Variants in ANO3 observed in about 807,000 individuals in gnomAD.
ANO3 encodes the protein anoctamin 3.
Under a neutral mutation model 144.8 loss-of-function variants are expected in ANO3, and 99 were observed. The observed-to-expected ratio is 0.68, with a 90% CI of 0.58 to 0.81. The LOEUF (loss-of-function observed/expected upper bound fraction) is 0.81, where lower values mean the gene tolerates loss of function less well. Among genes scored for constraint, ANO3 ranks in the 30% least tolerant of loss-of-function variants. The pLI, the probability that ANO3 is intolerant of heterozygous loss-of-function variation, is 0.00. For synonymous variants in ANO3, 414 were observed against 392.6 expected, an observed-to-expected ratio of 1.05 and a Z score of -0.64; for missense variants, 905 against 1,202.2, an observed-to-expected ratio of 0.75 and a Z score of 3.66.
At chr11:26,315,683 AT>A (rs1349419233) in intron 1 of ANO3, among the ~76,000 whole-genome samples, 1 of 137,300 alleles carries the variant, frequency 7.3e-6, no homozygotes, top group African/African-American at 2.9e-5. Flanking sequence ...CTATCTATCT[AT>A]CCATCTATCT....
rs575955584 is a variant in ANO3 at position 26,433,483 on chromosome 11, G to A, written c.47-8435G>A. Reference sequence around the variant, plus strand: ...CCTTGCCTTGTGCTTGTTTTCAAGGGGGAATACTTTCAGCTTTTGCCAATT... The same window carrying A: ...CCTTGCCTTGTGCTTGTTTTCAAGGAGGAATACTTTCAGCTTTTGCCAATT... On this transcript the variant is annotated intron_variant, in intron 1 of 26. Coordinates refer to ENST00000256737, the MANE Select transcript of ANO3 (RefSeq NM_031418.4). Among the ~76,000 whole-genome samples, 49 of 152,188 alleles carry A rather than the reference G, an allele frequency of 3.2e-4. No homozygotes were observed. The South Asian group carries it at 3.9e-3, about 12-fold the overall frequency.
chr11:26,426,401 G>A (rs554576026), intron 1 of ANO3, among the ~76,000 whole-genome samples: 3 of 151,962 alleles, frequency 2.0e-5, no homozygotes, highest in African/African-American at 4.8e-5. Flanking sequence ...GGGTAGTTTG[G>A]CATGTCTAGT....
At chr11:26,241,610 G>A (rs143206645) in intron 1 of ANO3, among the ~76,000 whole-genome samples, 1 of 152,184 alleles carries the variant, frequency 6.6e-6, no homozygotes, top group East Asian at 1.9e-4. Context: ...AATAACTTCA[G>A]TACAGAATAA....
In ANO3 at chr11:26,369,174, G is replaced by C. The variant is rs992025722; in HGVS notation, c.46+36853G>C. Among the ~76,000 whole-genome samples, 6 of 152,302 alleles carry C rather than the reference G, an allele frequency of 3.9e-5. No individual in the cohort carries two copies. In the East Asian group the frequency reaches 1.2e-3, roughly 29 times the overall value. ...TGTGTGCATGCATGCCTATGTGTGT[G>C]TTGGAAGTGTGGAGGTGAGTAGTGA... On this transcript the variant is annotated intron_variant, in intron 1 of 26. Coordinates refer to ENST00000256737, the MANE Select transcript of ANO3 (RefSeq NM_031418.4).
At chr11:26,506,939 T>A (rs564028680) in intron 4 of ANO3, among the ~76,000 whole-genome samples, 1 of 152,336 alleles carries the variant, frequency 6.6e-6, no homozygotes, top group African/African-American at 2.4e-5. Flanking sequence ...TGTCTGAAAT[T>A]ATCTAATATC....
chr11:26,353,761 C>T (rs1031762026), intron 1 of ANO3, among the ~76,000 whole-genome samples: 7 of 152,084 alleles, frequency 4.6e-5, no homozygotes, highest in South Asian at 2.1e-4. Flanking sequence ...GTAGAGACAG[C>T]GTTTCATCAT....
chr11:26,487,735 A>G (rs1458292734), intron 4 of ANO3, among the ~76,000 whole-genome samples: 1 of 152,214 alleles, frequency 6.6e-6, no homozygotes, highest in African/African-American at 2.4e-5. Context: ...TACGTCACCA[A>G]AGAGACTGGT....
At chr11:26,402,511 A>G (rs941350033) in intron 1 of ANO3, among the ~76,000 whole-genome samples, 2 of 151,854 alleles carry the variant, frequency 1.3e-5, no homozygotes, top group Non-Finnish European at 2.9e-5. Context: ...TAAGTTCCTT[A>G]TAGATACTGG....
At chr11:26,350,459 CTT>C (rs1329553579) in intron 1 of ANO3, among the ~76,000 whole-genome samples, 2 of 152,126 alleles carry the variant, frequency 1.3e-5, no homozygotes, top group Non-Finnish European at 2.9e-5. Flanking sequence ...AGTTGAAAAA[CTT>C]TGAAATTGTT....
At position 26,522,078 on chromosome 11, in the gene ANO3, G is replaced by GGAGGCT. The variant is rs1209932035; in HGVS notation, c.693-3551_693-3546dup. On this transcript the variant is annotated intron_variant, in intron 6 of 26. Coordinates refer to ENST00000256737, the MANE Select transcript of ANO3 (RefSeq NM_031418.4). ...GGGCGCCTGTAGTCCCAGCTACTCG[G>GGAGGCT]GAGGCTGAGGCAAGAGAATGGCGTG... Among the ~76,000 whole-genome samples the GGAGGCT allele has an allele frequency of 1.1e-4, 16 of 152,080 alleles. No individual in the cohort carries two copies. In the East Asian group the frequency reaches 3.1e-3, roughly 29 times the overall value.
Position 26,553,242 on chromosome 11 carries a change from T to TTAAAAAAC in ANO3, c.1290-7_1290-6insTAAAAAAC. 7.0e-7 allele frequency: 1 copy of TTAAAAAAC among 1,429,444 alleles called. No homozygotes were observed. The highest frequency in any genetic ancestry group is 9.8e-7 in the Non-Finnish European group (1 of 1,024,160). 88.5% of individuals were successfully genotyped at this position (1,429,444 alleles called of 1,614,324 possible). A position where few individuals can be genotyped will look rare whatever the true frequency, so the allele number is the denominator to read the frequency against. ...TTGTTTTGTTTTTGTTTTTGTTTTT[T>TTAAAAAAC]CTCAAGCCAAGAAATTTGTAAAGCC... is the stretch of plus-strand genomic sequence containing the variant. On this transcript the variant is annotated splice_polypyrimidine_tract_variant and splice_region_variant and intron_variant, in intron 12 of 26. Coordinates refer to ENST00000256737, the MANE Select transcript of ANO3 (RefSeq NM_031418.4).
chr11:26,412,792 G>T (rs953476397), intron 1 of ANO3, among the ~76,000 whole-genome samples: 1 of 143,396 alleles, frequency 7.0e-6, no homozygotes, highest in African/African-American at 2.7e-5. Flanking sequence ...GCAGAGAAAG[G>T]AAAGTGTGTG....
intron 1 of ANO3, among the ~76,000 whole-genome samples, chr11:26,276,725 A>G (rs1346174333): frequency 6.6e-6 from 1 of 152,124 alleles, no homozygotes; most frequent in East Asian, 1.9e-4. Context: ...TCTTTCACAT[A>G]AAAATAAAAT....
chr11:26,467,529 A>G (rs1348320644), intron 4 of ANO3, among the ~76,000 whole-genome samples: 1 of 151,974 alleles, frequency 6.6e-6, no homozygotes, highest in Non-Finnish European at 1.5e-5. Context: ...GAGAAGATGA[A>G]AAGTCTGTCT....
chr11:26,320,392 G>A, intron 1 of ANO3, among the ~76,000 whole-genome samples: 1 of 152,164 alleles, frequency 6.6e-6, no homozygotes, highest in African/African-American at 2.4e-5. Flanking sequence ...GTTTAGCAAA[G>A]TTGACACAGA....
intron 4 of ANO3, among the ~76,000 whole-genome samples, chr11:26,493,622 C>G (rs1860805321): frequency 6.6e-6 from 1 of 152,170 alleles, no homozygotes; most frequent in Admixed American, 6.5e-5. Flanking sequence ...TTTTTGCCAC[C>G]TTTAGAATAC....
intron 1 of ANO3, among the ~76,000 whole-genome samples, chr11:26,411,954 C>T (rs1841568): frequency 0.98 from 149,057 of 152,080 alleles, 73,116 homozygotes; most frequent in Middle Eastern, 1. Context: ...TCCAAATGTA[C>T]ATGGTTGATT....
At chr11:26,309,072 T>G (rs866140726), upstream of ANO3, among the ~76,000 whole-genome samples, 3 of 152,134 alleles carry the variant, frequency 2.0e-5, no homozygotes, top group African/African-American at 7.2e-5. Context: ...TAGAAAAGCT[T>G]TTTTAATAGG....
intron 1 of ANO3, among the ~76,000 whole-genome samples, chr11:26,367,705 G>A (rs560788672): frequency 5.9e-5 from 9 of 152,286 alleles, no homozygotes; most frequent in African/African-American, 2.2e-4. Flanking sequence ...TTGGCTTGTA[G>A]TTCTGCAGGC....
Sources: allele counts gnomAD v4.1 joint callset (sites outside exome capture counted in the v4.1 genomes callset), GRCh38; gene constraint gnomAD v4.1.1; transcripts MANE v1.5; gene names NCBI Gene and HGNC (gene_info 2026-07-23, HGNC 2026-07-21).